FCHO2: variants seen among roughly 807,000 people sequenced by gnomAD.
FCHO2 encodes F-BAR domain only protein 2.
In FCHO2, 43 loss-of-function variants were observed where a neutral mutation model predicts 114.1. That is an observed-to-expected ratio of 0.38 (90% confidence interval 0.30 to 0.49). The LOEUF (loss-of-function observed/expected upper bound fraction) is 0.49, where lower values mean the gene tolerates loss of function less well. Ranked by LOEUF, FCHO2 falls within the 20% of genes least tolerant of loss-of-function variation. FCHO2 has a pLI of 0.97. For missense variants in FCHO2, 807 were observed against 950.4 expected (o/e 0.85, Z 1.98); for synonymous variants, 293 against 315.2 (o/e 0.93, Z 0.75).
In FCHO2 at chr5:73,078,172, A is replaced by G. The variant is rs746653038; in HGVS notation, c.1848-8A>G. ...ATAAAATAACAAATATATTTTTTAT[A>G]TATGTAGTGATCCATCACAATGTGA... On this transcript the variant is annotated splice_polypyrimidine_tract_variant and splice_region_variant and intron_variant, in intron 21 of 25. Transcript: ENST00000430046. 6.6e-7 allele frequency: 1 copy of G among 1,507,594 alleles called. No homozygotes were observed. Among genetic ancestry groups the G allele is most frequent in the Non-Finnish European group, 8.9e-7 (1 of 1,129,694 alleles). 93.4% of individuals were successfully genotyped at this position (1,507,594 alleles called of 1,614,324 possible).
chr5:72,974,979 A>AT (rs768515466), intron 2 of FCHO2, among the ~76,000 whole-genome samples: 4 of 152,100 alleles, frequency 2.6e-5, no homozygotes, highest in Non-Finnish European at 5.9e-5. Context: ...GTTTGACTGG[A>AT]TATGAAATTC....
intron 12 of FCHO2, 28 bp downstream of exon 12, chr5:73,051,434 A>G: frequency 6.9e-7 from 1 of 1,444,434 alleles, no homozygotes; most frequent in Non-Finnish European, 9.4e-7. Flanking sequence ...AGTATTCTTA[A>G]GGATTATGTT....
At chr5:73,009,209 A>G (rs922918876) in intron 6 of FCHO2, among the ~76,000 whole-genome samples, 3 of 152,268 alleles carry the variant, frequency 2.0e-5, no homozygotes, top group Non-Finnish European at 2.9e-5. Flanking sequence ...CAATTTCTGT[A>G]GCAACTGAGG....
chr5:73,067,785 TGAA>T (rs1369406396), intron 18 of FCHO2, among the ~76,000 whole-genome samples: 1 of 151,946 alleles, frequency 6.6e-6, no homozygotes, highest in Non-Finnish European at 1.5e-5. Context: ...TTTTTTTAAA[TGAA>T]GACAAATACG....
intron 19 of FCHO2, 122 bp downstream of exon 19, chr5:73,068,901 AAC>A: frequency 1.8e-6 from 2 of 1,114,238 alleles, no homozygotes; most frequent in Non-Finnish European, 2.4e-6. Flanking sequence ...TTTTTCTGGA[AAC>A]ACACCTGGAA....
intron 8 of FCHO2, chr5:73,020,845 A>G (rs1755576919): frequency 3.2e-6 from 3 of 939,286 alleles, no homozygotes; most frequent in Non-Finnish European, 5.3e-6. Context: ...CTCATCTGAG[A>G]TATTTACTCT....
chr5:72,979,565 G>A (rs1753081309), intron 2 of FCHO2, among the ~76,000 whole-genome samples: 1 of 149,918 alleles, frequency 6.7e-6, no homozygotes, highest in Non-Finnish European at 1.5e-5. Context: ...CTAATTTTTT[G>A]TATTTTTAGT....
chr5:73,080,053 C>T lies in FCHO2; in HGVS notation c.1981-1730C>T, dbSNP rs1246162123. On this transcript the variant is annotated intron_variant, in intron 22 of 25. Transcript: ENST00000430046. ...GTGTTTATAAAATATTTTGTTAAAC[C>T]TTTAAACACAATCAGTATTTAATCT... 2.0e-5 allele frequency among the ~76,000 whole-genome samples: 3 copies of T among 152,016 alleles called. No individual in the cohort carries two copies. The South Asian group carries it at 6.2e-4, about 32-fold the overall frequency.
At chr5:73,024,231 T>A (rs892490489) in intron 8 of FCHO2, among the ~76,000 whole-genome samples, 1 of 152,216 alleles carries the variant, frequency 6.6e-6, no homozygotes, top group South Asian at 2.1e-4. Context: ...CACTGATTTT[T>A]AAAAATTTTT....
At chr5:73,039,223 G>T (rs753780760) in intron 10 of FCHO2, among the ~76,000 whole-genome samples, 5 of 152,190 alleles carry the variant, frequency 3.3e-5, no homozygotes, top group Non-Finnish European at 5.9e-5. Context: ...TTCATAGCCT[G>T]AAGGCTTTTG....
intron 2 of FCHO2, 122 bp from the exon 3 acceptor site, chr5:72,989,305 T>G: frequency 1.4e-6 from 1 of 691,332 alleles, no homozygotes; most frequent in Non-Finnish European, 2.4e-6. Context: ...TATATGTACT[T>G]ATTTTTAACA....
intron 24 of FCHO2, 143 bp from the exon 25 acceptor site, chr5:73,087,446 G>C (rs1024278645): frequency 1.3e-5 from 12 of 912,620 alleles, no homozygotes; most frequent in Admixed American, 1.3e-4. Flanking sequence ...ATGAGATTTG[G>C]AAACAGGATA....
At chr5:72,971,235 C>CA (rs1382024663) in intron 2 of FCHO2, among the ~76,000 whole-genome samples, 7 of 152,082 alleles carry the variant, frequency 4.6e-5, no homozygotes, top group African/African-American at 1.7e-4. Flanking sequence ...ATGGCTGGGT[C>CA]AAATGGTATT....
chr5:73,024,980 G>C (rs1469686781), intron 8 of FCHO2, among the ~76,000 whole-genome samples: 1 of 152,122 alleles, frequency 6.6e-6, no homozygotes. Context: ...TAGATGGTAG[G>C]AGGTAATAGG....
At chr5:73,050,294 C>CTATCTATTTATTTATTTATT (rs550283829) in intron 11 of FCHO2, among the ~76,000 whole-genome samples, 9 of 123,520 alleles carry the variant, frequency 7.3e-5, no homozygotes, top group African/African-American at 2.5e-4. Context: ...TAGCTTTCTG[C>CTATCTATTTATTTATTTATT]TATTTATTTA....
chr5:72,980,771 C>CT (rs1282076768), intron 2 of FCHO2, among the ~76,000 whole-genome samples: 4 of 151,914 alleles, frequency 2.6e-5, no homozygotes, highest in Admixed American at 6.6e-5. Context: ...GCAACCCCTG[C>CT]TTTTTTTTGC....
At chr5:73,081,710 A>G in intron 22 of FCHO2, 73 bp from the exon 23 acceptor site, 1 of 1,117,660 alleles carries the variant, frequency 8.9e-7, no homozygotes. Context: ...TACATGTTCA[A>G]GTGTCCATGT....
intron 2 of FCHO2, among the ~76,000 whole-genome samples, chr5:72,972,443 A>T (rs1298402927): frequency 6.6e-6 from 1 of 152,100 alleles, no homozygotes; most frequent in African/African-American, 2.4e-5. Context: ...ATTCCTAGGT[A>T]TCTTATTCTC....
chr5:72,984,686 C>T (rs1361610570), intron 2 of FCHO2, among the ~76,000 whole-genome samples: 3 of 152,094 alleles, frequency 2.0e-5, no homozygotes, highest in Non-Finnish European at 4.4e-5. Context: ...ATTTTTGAGA[C>T]AGGGTCTCAC....
Sources: gnomAD v4.1 joint callset for allele counts (sites outside exome capture counted in the v4.1 genomes callset) on GRCh38, gnomAD v4.1.1 for gene constraint, MANE v1.5 for transcripts, NCBI Gene and HGNC (gene_info 2026-07-23, HGNC 2026-07-21) for gene names.